Variants in EIF2AK4 observed in about 807,000 individuals in gnomAD.
EIF2AK4 encodes the protein eIF-2-alpha kinase GCN2.
In EIF2AK4, 139 loss-of-function variants were observed where a neutral mutation model predicts 211.1. That is an observed-to-expected ratio of 0.66 (90% CI 0.57 to 0.76). The LOEUF (loss-of-function observed/expected upper bound fraction) is 0.76. EIF2AK4 is among the 30% of genes least tolerant of loss of function. The pLI is 0.00. For synonymous variants in EIF2AK4, 710 were observed against 751.3 expected (o/e 0.94, Z 0.90); for missense variants, 1,664 against 2,043.8 (o/e 0.81, Z 3.58).
intron 13 of EIF2AK4, among the ~76,000 whole-genome samples, chr15:39,983,665 C>T (rs747991205): frequency 1.6e-4 from 25 of 152,208 alleles, no homozygotes; most frequent in African/African-American, 5.3e-4. Context: ...TCGTCTCATA[C>T]GCCCGACCTC....
At chr15:39,944,449 T>TTTTTTTTTTA (rs1595541563) in intron 3 of EIF2AK4, among the ~76,000 whole-genome samples, 1 of 150,398 alleles carries the variant, frequency 6.6e-6, no homozygotes, top group Non-Finnish European at 1.5e-5. Context: ...TTTTTTTTTT[T>TTTTTTTTTTA]GAGGCGGAGT....
At chr15:40,016,787 T>C in intron 28 of EIF2AK4, 115 bp downstream of exon 28, 1 of 1,338,982 alleles carries the variant, frequency 7.5e-7, no homozygotes, top group African/African-American at 1.5e-5. Flanking sequence ...CCAGAAAAAC[T>C]GCTTTCTGTG....
intron 30 of EIF2AK4, among the ~76,000 whole-genome samples, chr15:40,019,442 G>A (rs547912035): frequency 6.8e-4 from 104 of 152,292 alleles, no homozygotes; most frequent in African/African-American, 2.4e-3. Flanking sequence ...CCCCCAGGCA[G>A]TGGACTGGTA....
At chr15:40,009,275 G>T (rs766847955) in intron 25 of EIF2AK4, among the ~76,000 whole-genome samples, 17 of 151,756 alleles carry the variant, frequency 1.1e-4, no homozygotes, top group Non-Finnish European at 1.8e-4. Context: ...TTTTTGTAGA[G>T]ATGGGGTTTC....
intron 19 of EIF2AK4, 74 bp downstream of exon 19, chr15:39,997,139 G>A (rs2035029051): frequency 8.8e-7 from 1 of 1,136,906 alleles, no homozygotes; most frequent in Admixed American, 1.8e-5. Flanking sequence ...ATTCAAAGCA[G>A]GATATTTTTC....
chr15:39,998,881 C>G lies in EIF2AK4; in HGVS notation c.2922+97C>G, dbSNP rs75528263. On this transcript the variant is annotated intron_variant, in intron 20 of 38. Coordinates refer to ENST00000263791, the MANE Select transcript of EIF2AK4 (RefSeq NM_001013703.4). ...TTAGTAATCTTCTGCCACTCATTCT[C>G]TTGTGTCCTGGGAACAACGTGGGGA... 1,279 of 1,037,570 alleles carry G rather than the reference C, an allele frequency of 1.2e-3. 10 individuals carry two copies. In the African/African-American group the frequency reaches 0.019, roughly 16 times the overall value. 64.3% of individuals were successfully genotyped at this position (1,037,570 alleles called of 1,614,324 possible).
chr15:40,019,620 C>T lies in EIF2AK4; in HGVS notation c.4173+420C>T, dbSNP rs943300876. Reference sequence around the variant, plus strand: ...ACATGGAAGGGATCTAGACTGCACGCTCCTTAGGAGAATCTAACTAATGCC... The same window carrying T: ...ACATGGAAGGGATCTAGACTGCACGTTCCTTAGGAGAATCTAACTAATGCC... On this transcript the variant is annotated intron_variant, in intron 30 of 38. Transcript: ENST00000263791. Among the ~76,000 whole-genome samples, 7 of 152,174 alleles carry T rather than the reference C, an allele frequency of 4.6e-5. No individual in the cohort carries two copies. The South Asian group carries it at 1.2e-3, about 27-fold the overall frequency.
chr15:39,979,087 C>T (rs1486073382), intron 13 of EIF2AK4, among the ~76,000 whole-genome samples: 1 of 152,160 alleles, frequency 6.6e-6, no homozygotes, highest in Non-Finnish European at 1.5e-5. Context: ...TCTGAAGCTA[C>T]ACAAAACACA....
At position 39,967,736 on chromosome 15, in the gene EIF2AK4, T is replaced by C. The variant is rs757180877; in HGVS notation, c.1410T>C (p.Ala470=). The C allele has an allele frequency of 6.2e-7, 1 of 1,614,226 alleles. No homozygotes were observed. The highest frequency in any genetic ancestry group is 8.5e-7 in the Non-Finnish European group (1 of 1,180,042). The change falls in exon 9 of 39, where the codon GCT becomes GCC. Residue 470 remains alanine (A), a synonymous_variant. Coordinates refer to ENST00000263791, the MANE Select transcript of EIF2AK4 (RefSeq NM_001013703.4). ...CCCGAGTTCGTTTTAGTGACAATGC[T>C]CTGCCTTATAAAACGGGGAAGAAAG... ...EQTRVRFSDN[A]LPYKTGKKGD... is the part of the protein sequence containing the mutation.
At chr15:39,939,330 G>A (rs905397346) in intron 1 of EIF2AK4, among the ~76,000 whole-genome samples, 175 bp from the exon 2 acceptor site, 3 of 152,138 alleles carry the variant, frequency 2.0e-5, no homozygotes, top group African/African-American at 7.2e-5. Context: ...CATTTTCACT[G>A]GCTTAGGTTT....
intron 32 of EIF2AK4, among the ~76,000 whole-genome samples, chr15:40,023,510 C>T (rs1468879267): frequency 6.6e-6 from 1 of 152,194 alleles, no homozygotes; most frequent in Non-Finnish European, 1.5e-5. Context: ...CCTCTTTCTT[C>T]TAGAGGCAGC....
At chr15:40,032,994 G>A (rs1328802369) in intron 37 of EIF2AK4, among the ~76,000 whole-genome samples, 193 bp downstream of exon 37, 2 of 151,996 alleles carry the variant, frequency 1.3e-5, no homozygotes, top group East Asian at 3.8e-4. Flanking sequence ...TACTTTTCTA[G>A]TGACTTTATT....
intron 1 of EIF2AK4, among the ~76,000 whole-genome samples, chr15:39,937,147 G>T (rs531275141): frequency 5.3e-5 from 8 of 152,136 alleles, no homozygotes; most frequent in Non-Finnish European, 1.2e-4. Flanking sequence ...GCTTTCCACA[G>T]CAGCAAAAGG....
At position 39,953,871 on chromosome 15, in the gene EIF2AK4, ATTGGCATTTGAT is replaced by A. The variant is rs771156407; in HGVS notation, c.514-32_514-21del. Reference sequence around the variant, plus strand: ...TTTATATGTTGTATGGGTTTCAGAGATTGGCATTTGATGATGGTTTGATTTATTTCAGCAACG... The same window carrying A: ...TTTATATGTTGTATGGGTTTCAGAGAGATGGTTTGATTTATTTCAGCAACG... On this transcript the variant is annotated intron_variant, in intron 4 of 38. Transcript: ENST00000263791. 107 of 1,601,122 alleles carry A rather than the reference ATTGGCATTTGAT, an allele frequency of 6.7e-5. 1 individual carries two copies. The highest frequency in any genetic ancestry group is 2.2e-5 in the South Asian group (2 of 89,468).
At chr15:40,025,386 G>T (rs982993025) in intron 32 of EIF2AK4, among the ~76,000 whole-genome samples, 1 of 152,208 alleles carries the variant, frequency 6.6e-6, no homozygotes, top group Non-Finnish European at 1.5e-5. Flanking sequence ...GTGTAGCATG[G>T]AATAGAGTGA....
intron 6 of EIF2AK4, among the ~76,000 whole-genome samples, chr15:39,959,025 A>G (rs1426008532): frequency 6.6e-6 from 1 of 152,196 alleles, no homozygotes; most frequent in Non-Finnish European, 1.5e-5. Flanking sequence ...GATTAATACT[A>G]TTTGGTAATT....
chr15:39,982,173 C>G (rs1201985181), intron 13 of EIF2AK4, among the ~76,000 whole-genome samples: 1 of 152,196 alleles, frequency 6.6e-6, no homozygotes, highest in Non-Finnish European at 1.5e-5. Flanking sequence ...ATCCGCCCGC[C>G]TCGGCCTCCC....
intron 7 of EIF2AK4, among the ~76,000 whole-genome samples, chr15:39,964,399 G>T (rs975970396): frequency 3.3e-5 from 5 of 152,010 alleles, no homozygotes; most frequent in Non-Finnish European, 5.9e-5. Context: ...ATCAGCTGGG[G>T]GCCATTTTGT....
At chr15:39,975,792 C>T (rs1400071206) in intron 11 of EIF2AK4, among the ~76,000 whole-genome samples, 3 of 152,224 alleles carry the variant, frequency 2.0e-5, no homozygotes, top group Non-Finnish European at 2.9e-5. Context: ...ATTGACTAAG[C>T]TAAGCACCTT....
Sources: allele counts gnomAD v4.1 joint callset (sites outside exome capture counted in the v4.1 genomes callset), GRCh38; gene constraint gnomAD v4.1.1; transcripts MANE v1.5; gene names NCBI Gene and HGNC (gene_info 2026-07-23, HGNC 2026-07-21).